The following PTPRN2 variants were observed in gnomAD, a reference collection of about 807,000 sequenced individuals.
The protein encoded by PTPRN2 is protein tyrosine phosphatase receptor type N2.
A neutral mutation model predicts 118.8 loss-of-function variants in PTPRN2; 74 were observed. The ratio of observed to expected loss-of-function variants is 0.62; its 90% CI spans 0.52 to 0.76. PTPRN2 has a LOEUF of 0.76. PTPRN2 is among the 30% of genes least tolerant of loss of function. The pLI is 0.00. For synonymous variants in PTPRN2, 641 were observed against 608.0 expected (o/e 1.05, Z -0.80); for missense variants, 1,481 against 1,394.4 (o/e 1.06, Z -0.99).
chr7:157,964,384 T>C lies in PTPRN2; in HGVS notation c.1724-65647A>G, dbSNP rs1801760799. 6.6e-6 allele frequency among the ~76,000 whole-genome samples: 1 copy of C among 152,086 alleles called. No homozygotes were observed. The highest frequency in any genetic ancestry group is 1.5e-5 in the Non-Finnish European group (1 of 68,008). On this transcript the variant is annotated intron_variant, in intron 11 of 22. Coordinates refer to ENST00000389418, the MANE Select transcript of PTPRN2 (RefSeq NM_002847.5). This position sits in a 1 kb window ranked among gnomAD's most constrained non-coding sequence, Gnocchi z 9.0. The stretch of plus-strand genomic sequence containing the variant: ...TGTTGGCAACTGCTGGGCTGGATGG[T>C]TATTAGCATATTAGGATGACATTTG...
intron 12 of PTPRN2, among the ~76,000 whole-genome samples, chr7:157,872,491 A>G (rs1811167689): frequency 6.6e-6 from 1 of 151,594 alleles, no homozygotes; most frequent in Non-Finnish European, 1.5e-5. Context: ...ACGCATATCC[A>G]GTGTCCTCCC....
chr7:157,651,658 A>C (rs868313862), intron 14 of PTPRN2, among the ~76,000 whole-genome samples: 1 of 152,240 alleles, frequency 6.6e-6, no homozygotes, highest in Admixed American at 6.5e-5. Context: ...ATAGGGAAAC[A>C]GATCTTGAAA....
At chr7:157,656,278 G>A (rs1312419452) in intron 14 of PTPRN2, 79 bp downstream of exon 14, 78 of 1,392,018 alleles carry the variant, frequency 5.6e-5, no homozygotes, top group Admixed American at 2.1e-4. Context: ...GTCAGCGGGC[G>A]CAGATGCTGG....
In PTPRN2 at chr7:158,268,865, C is replaced by T. The variant is rs573969938; in HGVS notation, c.277+47954G>A. On this transcript the variant is annotated intron_variant, in intron 3 of 22. Coordinates refer to ENST00000389418, the MANE Select transcript of PTPRN2 (RefSeq NM_002847.5). ...ATATCCCAGCCGCACACACACAGGG[C>T]GGGTGTGAAATATCCCAGCCGCACG... Among the ~76,000 whole-genome samples, 284 of 132,096 alleles carry T rather than the reference C, an allele frequency of 2.1e-3. 17 individuals carry two copies. The highest frequency in any genetic ancestry group is 7.7e-3 in the African/African-American group (258 of 33,374). 86.7% of individuals were successfully genotyped at this position (132,096 alleles called of 152,430 possible).
At chr7:158,474,801 CA>C (rs1820125403) in intron 2 of PTPRN2, among the ~76,000 whole-genome samples, 1 of 152,172 alleles carries the variant, frequency 6.6e-6, no homozygotes, top group South Asian at 2.1e-4. Flanking sequence ...TGGGGCTGCC[CA>C]TGGCTTTGGG....
intron 12 of PTPRN2, among the ~76,000 whole-genome samples, chr7:157,691,328 C>A (rs1335418791): frequency 7.8e-5 from 11 of 140,632 alleles, no homozygotes; most frequent in Non-Finnish European, 1.6e-4. Flanking sequence ...TGACCTTTGT[C>A]CTGGGAGGGG....
intron 11 of PTPRN2, among the ~76,000 whole-genome samples, chr7:158,076,893 G>A (rs977082013): frequency 6.6e-6 from 1 of 152,222 alleles, no homozygotes; most frequent in African/African-American, 2.4e-5. Flanking sequence ...ATCACCTTAG[G>A]AAGGTGTGAT....
chr7:158,424,843 G>A (rs973166307), intron 2 of PTPRN2, among the ~76,000 whole-genome samples: 4 of 152,230 alleles, frequency 2.6e-5, no homozygotes, highest in South Asian at 2.1e-4. Flanking sequence ...GGGCCCAGGG[G>A]CATTAACCAT....
chr7:158,118,954 G>C (rs1187931257), intron 9 of PTPRN2, among the ~76,000 whole-genome samples: 1 of 152,072 alleles, frequency 6.6e-6, no homozygotes, highest in Non-Finnish European at 1.5e-5. Flanking sequence ...CCACCACTTT[G>C]GTCTCCCAAA....
intron 14 of PTPRN2, among the ~76,000 whole-genome samples, chr7:157,647,281 T>C (rs1415172442): frequency 1.9e-5 from 1 of 51,768 alleles, no homozygotes; most frequent in Non-Finnish European, 3.9e-5. Context: ...GTCAGACCCA[T>C]GCAGCGTGCA....
At position 158,273,554 on chromosome 7, in the gene PTPRN2, A is replaced by G. The variant is rs1256685497; in HGVS notation, c.277+43265T>C. On this transcript the variant is annotated intron_variant, in intron 3 of 22. Transcript: ENST00000389418. Reference sequence around the variant, plus strand: ...CGCAGACACGGGGAGCCGCAGACACAGGGGGAGCCGCAGGCACAGGGGGAG... The same window carrying G: ...CGCAGACACGGGGAGCCGCAGACACGGGGGGAGCCGCAGGCACAGGGGGAG... Among the ~76,000 whole-genome samples the G allele has an allele frequency of 1.9e-3, 203 of 106,350 alleles. 48 individuals are homozygous for G. Among genetic ancestry groups the G allele is most frequent in the Middle Eastern group, 5.6e-3 (1 of 180 alleles). 69.8% of individuals were successfully genotyped at this position (106,350 alleles called of 152,430 possible).
At position 158,365,307 on chromosome 7, in the gene PTPRN2, C is replaced by T. The variant is rs184565893; in HGVS notation, c.164-48375G>A. On this transcript the variant is annotated intron_variant, in intron 2 of 22. Transcript: ENST00000389418. ...CAGCGGGGCTGGAGGCAGACCTCATCGGCACTTCTGACAACGGCAATTTTT... is the reference window on the plus strand; with the variant it reads ...CAGCGGGGCTGGAGGCAGACCTCATTGGCACTTCTGACAACGGCAATTTTT... Among the ~76,000 whole-genome samples the T allele has an allele frequency of 1.8e-4, 27 of 152,292 alleles. No individual in the cohort carries two copies. The East Asian group carries it at 4.3e-3, about 24-fold the overall frequency.
intron 3 of PTPRN2, among the ~76,000 whole-genome samples, chr7:158,301,847 G>A (rs1226902227): frequency 6.6e-6 from 1 of 152,204 alleles, no homozygotes; most frequent in Non-Finnish European, 1.5e-5. Flanking sequence ...CTACTTGGGA[G>A]GCTGAGGTGG....
intron 1 of PTPRN2, among the ~76,000 whole-genome samples, chr7:158,568,555 A>G (rs144638615): frequency 9.3e-4 from 142 of 152,274 alleles, no homozygotes; most frequent in Admixed American, 2.1e-3. Flanking sequence ...GGTAAATCAT[A>G]TGACTGACTT....
intron 16 of PTPRN2, among the ~76,000 whole-genome samples, chr7:157,595,844 C>T (rs941367303): frequency 5.3e-5 from 8 of 152,304 alleles, no homozygotes; most frequent in African/African-American, 1.7e-4. Context: ...TGAACCACTG[C>T]GTCTGAAATG....
chr7:158,544,119 G>A lies in PTPRN2; in HGVS notation c.112+43439C>T, dbSNP rs762305287. On this transcript the variant is annotated intron_variant, in intron 1 of 22. Transcript: ENST00000389418. The surrounding 1 kb of genome is among the most constrained non-coding windows in gnomAD (Gnocchi z 4.2). ...GAGTGCACCCGGTGGAGGGGGATAT[G>A]TACACCCGCCTGGGAGGGGCCAGAA... is the stretch of plus-strand genomic sequence containing the variant. Among the ~76,000 whole-genome samples, 1 of 152,174 alleles carries A rather than the reference G, an allele frequency of 6.6e-6. No homozygotes were observed. The highest frequency in any genetic ancestry group is 1.5e-5 in the Non-Finnish European group (1 of 68,028).
At chr7:157,838,440 G>A (rs1444171622) in intron 12 of PTPRN2, among the ~76,000 whole-genome samples, 4 of 113,416 alleles carry the variant, frequency 3.5e-5, no homozygotes, top group Non-Finnish European at 5.4e-5. Context: ...CCTCTCCACC[G>A]TGGCTACTCC....
intron 11 of PTPRN2, among the ~76,000 whole-genome samples, chr7:158,078,094 G>A (rs6978278): frequency 0.61 from 93,156 of 151,984 alleles, 28,804 homozygotes; most frequent in South Asian, 0.78. Flanking sequence ...CTGAGTAATG[G>A]AAAGCAGCTG....
At chr7:158,402,185 A>G (rs1812996374) in intron 2 of PTPRN2, among the ~76,000 whole-genome samples, 1 of 152,148 alleles carries the variant, frequency 6.6e-6, no homozygotes, top group Admixed American at 6.5e-5. Flanking sequence ...GTGGCTCACA[A>G]CAAGTCCACA....
Sources: allele counts gnomAD v4.1 joint callset (sites outside exome capture counted in the v4.1 genomes callset), GRCh38; gene constraint gnomAD v4.1.1; non-coding constraint Gnocchi (gnomAD v3.1); transcripts MANE v1.5; gene names NCBI Gene and HGNC (gene_info 2026-07-23, HGNC 2026-07-21).